SHISA9: variants seen among roughly 807,000 people sequenced by gnomAD.
The protein encoded by SHISA9 is shisa family member 9.
A neutral mutation model predicts 38.0 loss-of-function variants in SHISA9; 13 were observed. That is an observed-to-expected ratio of 0.34 (90% CI 0.22 to 0.54). The LOEUF is 0.54. Among genes scored for constraint, SHISA9 ranks in the 20% least tolerant of loss-of-function variants. The pLI is 0.91. For missense variants in SHISA9, 538 were observed against 575.8 expected, an observed-to-expected ratio of 0.93 and a Z score of 0.67; for synonymous variants, 275 against 242.0, an observed-to-expected ratio of 1.14 and a Z score of -1.27.
At chr16:12,924,464 G>A (rs905481662) in intron 2 of SHISA9, among the ~76,000 whole-genome samples, 1 of 152,148 alleles carries the variant, frequency 6.6e-6, no homozygotes, top group South Asian at 2.1e-4. Flanking sequence ...GTGAAGGTTT[G>A]ATTCTTTTCT....
the SHISA9 span, among the ~76,000 whole-genome samples, chr16:13,393,900 A>C: frequency 6.6e-6 from 1 of 152,140 alleles, no homozygotes; most frequent in Non-Finnish European, 1.5e-5. Context: ...ATGCTCTGAC[A>C]AGTTGGGTCA....
At chr16:13,354,941 G>A in the SHISA9 span, among the ~76,000 whole-genome samples, 2 of 151,678 alleles carry the variant, frequency 1.3e-5, no homozygotes, top group Non-Finnish European at 2.9e-5. Flanking sequence ...CTTTGCGGCA[G>A]TACAGCCCAG....
At chr16:13,380,653 T>A in the SHISA9 span, among the ~76,000 whole-genome samples, 1 of 152,196 alleles carries the variant, frequency 6.6e-6, no homozygotes. Flanking sequence ...TAATAACTTT[T>A]CTTTTTTAAA....
chr16:13,046,574 G>A (rs758264789), intron 2 of SHISA9, among the ~76,000 whole-genome samples: 7 of 152,154 alleles, frequency 4.6e-5, no homozygotes, highest in Non-Finnish European at 7.3e-5. Flanking sequence ...AAGCAGGCAG[G>A]GCAAGTTTCA....
intron 2 of SHISA9, among the ~76,000 whole-genome samples, chr16:12,971,701 A>AT (rs1440471327): frequency 3.3e-5 from 5 of 152,208 alleles, no homozygotes; most frequent in Non-Finnish European, 5.9e-5. Context: ...TGCCATTATT[A>AT]TGAATGCCAT....
At chr16:13,211,318 A>C (rs1216431376) in intron 3 of SHISA9, among the ~76,000 whole-genome samples, 2 of 152,118 alleles carry the variant, frequency 1.3e-5, no homozygotes, top group African/African-American at 4.8e-5. Flanking sequence ...GAAAAGAAAA[A>C]AAAAAGAAAG....
At chr16:13,305,025 G>A in the SHISA9 span, among the ~76,000 whole-genome samples, 1,576 of 152,214 alleles carry the variant, frequency 0.01, 38 homozygotes, top group African/African-American at 0.036. Flanking sequence ...AAAATGCTTG[G>A]GACCAGAGGT....
chr16:13,055,412 C>T lies in SHISA9; in HGVS notation c.691+138597C>T, dbSNP rs1044118420. Among the ~76,000 whole-genome samples the T allele has an allele frequency of 2.6e-5, 4 of 152,148 alleles. No individual in the cohort carries two copies. In the East Asian group the frequency reaches 7.7e-4, roughly 29 times the overall value. ...TCTCACTGTCTCTCTGGTTCTAGTG[C>T]AGGAACTCATGCATAGTAAACTCCA... On this transcript the variant is annotated intron_variant, in intron 2 of 4. Coordinates refer to ENST00000558583, the MANE Select transcript of SHISA9 (RefSeq NM_001145204.3).
chr16:13,291,600 G>C, the SHISA9 span, among the ~76,000 whole-genome samples: 1 of 152,286 alleles, frequency 6.6e-6, no homozygotes, highest in South Asian at 2.1e-4. Context: ...TGTATGTAGA[G>C]CATGTGATCA....
At chr16:13,416,746 G>GAAA in the SHISA9 span, among the ~76,000 whole-genome samples, 5 of 70,790 alleles carry the variant, frequency 7.1e-5, 1 homozygote, top group Admixed American at 1.4e-4. Flanking sequence ...AAGAAAGAAA[G>GAAA]GAAGGAAGGA....
chr16:13,276,271 TC>T, the SHISA9 span, among the ~76,000 whole-genome samples: 2 of 151,548 alleles, frequency 1.3e-5, no homozygotes, highest in African/African-American at 4.9e-5. Flanking sequence ...TGCATAGTAT[TC>T]CATCATATAT....
At chr16:13,453,091 T>C in the SHISA9 span, among the ~76,000 whole-genome samples, 6 of 151,980 alleles carry the variant, frequency 3.9e-5, no homozygotes, top group Admixed American at 3.9e-4. Context: ...GTATTTTGTA[T>C]GTTTGTCAGG....
chr16:13,540,468 C>A, the SHISA9 span, among the ~76,000 whole-genome samples: 1 of 152,182 alleles, frequency 6.6e-6, no homozygotes, highest in African/African-American at 2.4e-5. Flanking sequence ...AGGTTTAGGG[C>A]CTACACTGTT....
the SHISA9 span, among the ~76,000 whole-genome samples, chr16:13,494,616 TAAAG>T: frequency 6.6e-6 from 1 of 151,832 alleles, no homozygotes; most frequent in East Asian, 1.9e-4. Flanking sequence ...CCAGTAAAAT[TAAAG>T]AAAACATGAA....
At chr16:13,511,921 A>T in the SHISA9 span, among the ~76,000 whole-genome samples, 3 of 152,122 alleles carry the variant, frequency 2.0e-5, no homozygotes. Context: ...TGGCAGAGGG[A>T]ACAATCCTAA....
intron 3 of SHISA9, among the ~76,000 whole-genome samples, chr16:13,209,019 C>T (rs1008025374): frequency 2.6e-5 from 4 of 152,208 alleles, no homozygotes; most frequent in African/African-American, 9.6e-5. Flanking sequence ...CCAGCTTGGA[C>T]ATTTATCAAG....
the SHISA9 span, among the ~76,000 whole-genome samples, chr16:13,367,710 G>GTGCA: frequency 1.1e-5 from 1 of 90,518 alleles, no homozygotes; most frequent in Non-Finnish European, 2.4e-5. Flanking sequence ...GCGCGCGCGC[G>GTGCA]CGCACACACA....
the SHISA9 span, among the ~76,000 whole-genome samples, chr16:13,445,859 A>G: frequency 3.3e-5 from 5 of 152,288 alleles, no homozygotes; most frequent in Non-Finnish European, 5.9e-5. Flanking sequence ...TACCTTTAAA[A>G]TGGGGGCTAA....
the SHISA9 span, among the ~76,000 whole-genome samples, chr16:13,441,229 G>A: frequency 6.6e-6 from 1 of 152,140 alleles, no homozygotes; most frequent in East Asian, 1.9e-4. Flanking sequence ...CAACAATATG[G>A]CATCCTTCTA....
Sources: gnomAD v4.1 joint callset for allele counts (sites outside exome capture counted in the v4.1 genomes callset) on GRCh38, gnomAD v4.1.1 for gene constraint, MANE v1.5 for transcripts, NCBI Gene and HGNC (gene_info 2026-07-23, HGNC 2026-07-21) for gene names.